The following CCDC171 variants were observed in gnomAD, a reference collection of about 807,000 sequenced individuals.
CCDC171 encodes the protein coiled-coil domain containing 171.
CCDC171 carries 177 observed loss-of-function variants against 168.2 expected under a neutral mutation model. That is an observed-to-expected ratio of 1.05 (90% CI 0.93 to 1.19). The LOEUF is 1.19. Among genes scored for constraint, CCDC171 ranks in the 50% most tolerant of loss-of-function variants. CCDC171 has a pLI of 0.00. For synonymous variants in CCDC171, 687 were observed against 540.8 expected, an observed-to-expected ratio of 1.27 and a Z score of -3.75; for missense variants, 1,991 against 1,539.0, an observed-to-expected ratio of 1.29 and a Z score of -4.91.
chr9:16,103,185 A>C, the CCDC171 span, among the ~76,000 whole-genome samples: 1 of 152,140 alleles, frequency 6.6e-6, no homozygotes, highest in Non-Finnish European at 1.5e-5. Flanking sequence ...AGGAAGATGG[A>C]GTTTCAGTTC....
intron 12 of CCDC171, 61 bp downstream of exon 12, chr9:15,721,936 C>G: frequency 1.3e-6 from 1 of 761,628 alleles, no homozygotes; most frequent in South Asian, 3.9e-5. Flanking sequence ...GTACGTATTC[C>G]TTGCTTGTTA....
intron 24 of CCDC171, among the ~76,000 whole-genome samples, chr9:15,889,325 A>G (rs1819884571): frequency 6.6e-6 from 1 of 152,166 alleles, no homozygotes; most frequent in Non-Finnish European, 1.5e-5. Context: ...GAATTGTACT[A>G]GCATTATAAA....
chr9:15,728,532 G>A (rs966707823), intron 15 of CCDC171, among the ~76,000 whole-genome samples: 23 of 152,086 alleles, frequency 1.5e-4, no homozygotes, highest in Non-Finnish European at 2.8e-4. Context: ...ACAACAAAAT[G>A]TATATTAGAA....
At chr9:15,662,331 G>A (rs1488555082) in intron 8 of CCDC171, among the ~76,000 whole-genome samples, 1 of 148,368 alleles carries the variant, frequency 6.7e-6, no homozygotes, top group African/African-American at 2.5e-5. Context: ...CAGAAATTTT[G>A]GATAATTAAA....
intron 3 of CCDC171, among the ~76,000 whole-genome samples, chr9:16,002,833 G>T (rs2987043): frequency 0.83 from 126,451 of 152,152 alleles, 52,648 homozygotes; most frequent in East Asian, 0.96. Flanking sequence ...TTGCTATGTT[G>T]AGATACAGAA....
At chr9:16,090,804 T>A in the CCDC171 span, among the ~76,000 whole-genome samples, 1 of 152,208 alleles carries the variant, frequency 6.6e-6, no homozygotes, top group Non-Finnish European at 1.5e-5. Context: ...CTTAATAATT[T>A]CCAAAATGTC....
At chr9:16,068,050 A>G in the CCDC171 span, among the ~76,000 whole-genome samples, 1 of 150,896 alleles carries the variant, frequency 6.6e-6, no homozygotes, top group Non-Finnish European at 1.5e-5. Flanking sequence ...TTGTATATCT[A>G]GAAAACCCCA....
At chr9:15,692,021 A>G (rs1435580202) in intron 10 of CCDC171, among the ~76,000 whole-genome samples, 3 of 152,124 alleles carry the variant, frequency 2.0e-5, no homozygotes, top group African/African-American at 2.4e-5. Context: ...AGAAGTCTCT[A>G]TCTGGACTTC....
chr9:15,717,511 A>G (rs143596330), intron 11 of CCDC171, among the ~76,000 whole-genome samples: 304 of 152,302 alleles, frequency 2.0e-3, no homozygotes, highest in African/African-American at 7.0e-3. Context: ...GGGGCAGCAA[A>G]GGGAGTGCTT....
chr9:15,732,248 T>C (rs1449607609), intron 16 of CCDC171, among the ~76,000 whole-genome samples: 1 of 152,110 alleles, frequency 6.6e-6, no homozygotes, highest in African/African-American at 2.4e-5. Context: ...TGTGAAATGA[T>C]TTTTCCTTAC....
chr9:15,652,070 G>A (rs897298786), intron 7 of CCDC171, among the ~76,000 whole-genome samples: 3 of 151,960 alleles, frequency 2.0e-5, no homozygotes, highest in African/African-American at 7.3e-5. Context: ...CACCACACCC[G>A]GCTAATTTAA....
Position 15,745,506 on chromosome 9 carries a change from A to G in CCDC171, c.2555-9A>G, listed in dbSNP as rs201955196. On this transcript the variant is annotated splice_polypyrimidine_tract_variant and intron_variant, in intron 17 of 25. Transcript: ENST00000380701. Reference sequence around the variant, plus strand: ...TAGAATTTTACAATGGATTTTTTCAATTTTATAGAACATCAAAAGGAGCAG... The same window carrying G: ...TAGAATTTTACAATGGATTTTTTCAGTTTTATAGAACATCAAAAGGAGCAG... 2.6e-6 allele frequency: 4 copies of G among 1,521,948 alleles called. No homozygotes were observed. Among genetic ancestry groups the G allele is most frequent in the African/African-American group, 1.4e-5 (1 of 70,238 alleles). The allele number at this position is 1,521,948 out of a possible 1,614,324, so 94.3% of individuals were successfully genotyped here.
At chr9:15,574,357 C>G (rs563377982) in intron 3 of CCDC171, among the ~76,000 whole-genome samples, 1 of 152,046 alleles carries the variant, frequency 6.6e-6, no homozygotes, top group African/African-American at 2.4e-5. Flanking sequence ...CTTGGCCAGG[C>G]TGGTCTCGAA....
intron 6 of CCDC171, among the ~76,000 whole-genome samples, chr9:16,032,629 T>C (rs1027250766): frequency 6.6e-6 from 1 of 152,116 alleles, no homozygotes; most frequent in Non-Finnish European, 1.5e-5. Flanking sequence ...GAGAACTTTG[T>C]TTTTTAGAGA....
At chr9:15,953,517 T>C (rs1025940151) in intron 25 of CCDC171, among the ~76,000 whole-genome samples, 21 of 152,204 alleles carry the variant, frequency 1.4e-4, no homozygotes, top group African/African-American at 7.2e-5. Flanking sequence ...CCTTGCATCC[T>C]GGGGTAAACC....
chr9:15,792,984 G>T (rs568010342), intron 21 of CCDC171, among the ~76,000 whole-genome samples: 6 of 152,056 alleles, frequency 3.9e-5, no homozygotes, highest in Non-Finnish European at 7.4e-5. Context: ...TATTAACCTT[G>T]AATGTAAATG....
At chr9:15,941,584 G>A (rs62546561) in intron 25 of CCDC171, among the ~76,000 whole-genome samples, 12,664 of 151,956 alleles carry the variant, frequency 0.083, 691 homozygotes, top group Middle Eastern at 0.13. Flanking sequence ...TTATACCAAC[G>A]CTTGATATTT....
At chr9:16,040,324 A>T (rs1445082858), upstream of CCDC171, among the ~76,000 whole-genome samples, 14 of 152,094 alleles carry the variant, frequency 9.2e-5, 1 homozygote, top group Admixed American at 9.2e-4. Flanking sequence ...GATTCTGCAG[A>T]TTGATGGACT....
At chr9:15,999,258 G>A (rs749107392) in intron 3 of CCDC171, among the ~76,000 whole-genome samples, 2 of 143,162 alleles carry the variant, frequency 1.4e-5, no homozygotes, top group East Asian at 4.1e-4. Flanking sequence ...GAAAGAAAGA[G>A]AGAAAGAGAA....
Sources: gnomAD v4.1 joint callset for allele counts (sites outside exome capture counted in the v4.1 genomes callset) on GRCh38, gnomAD v4.1.1 for gene constraint, MANE v1.5 for transcripts, NCBI Gene and HGNC (gene_info 2026-07-23, HGNC 2026-07-21) for gene names.